Variants in TYROBP observed in about 807,000 individuals in gnomAD.
TYROBP encodes transmembrane immune signaling adaptor TYROBP.
Under a neutral mutation model 17.1 loss-of-function variants are expected in TYROBP, and 14 were observed. The ratio of observed to expected loss-of-function variants is 0.82; its 90% CI spans 0.54 to 1.28. The LOEUF is 1.28. Among genes scored for constraint, TYROBP ranks in the 50% most tolerant of loss-of-function variants. TYROBP has a pLI of 0.00. For synonymous variants in TYROBP, 73 were observed against 67.4 expected (o/e 1.08, Z -0.41); for missense variants, 161 against 151.4 (o/e 1.06, Z -0.33).
intron 4 of TYROBP, among the ~76,000 whole-genome samples, chr19:35,905,839 G>A: frequency 6.6e-6 from 1 of 151,394 alleles, no homozygotes. Context: ...TGTAGTTCCA[G>A]CTACTCGGGA....
intron 4 of TYROBP, among the ~76,000 whole-genome samples, chr19:35,906,173 CT>C (rs1318119816): frequency 6.6e-6 from 1 of 151,074 alleles, no homozygotes; most frequent in Non-Finnish European, 1.5e-5. Flanking sequence ...TCACTGCAAC[CT>C]CCGCCCCCTG....
At position 35,907,236 on chromosome 19, in the gene TYROBP, C is replaced by G; in HGVS notation, c.258G>C (p.Glu86Asp). 6.2e-7 allele frequency: 1 copy of G among 1,607,116 alleles called. No individual in the cohort carries two copies. The highest frequency in any genetic ancestry group is 1.1e-5 in the South Asian group (1 of 89,970). Reference protein sequence around the residue: ...EAATRKQRITETESPYQELQG... With the variant: ...EAATRKQRITDTESPYQELQG... ...TTCTCACCTGATAAGGCGACTCGGT[C>G]TCAGTGATACGCTGTTTCCGGGTCG... The change falls in exon 4 of 5, where the codon GAG becomes GAC. Residue 86 changes from glutamate to aspartate, a missense_variant. Coordinates refer to ENST00000262629, the MANE Select transcript of TYROBP (RefSeq NM_003332.4).
chr19:35,905,212 A>T (rs1414527395), intron 4 of TYROBP, among the ~76,000 whole-genome samples: 2 of 152,172 alleles, frequency 1.3e-5, no homozygotes. Context: ...ACAGAGCCAA[A>T]CCTGAGATTC....
chr19:35,907,812 G>A (rs371976856), intron 1 of TYROBP, 50 bp from the exon 2 acceptor site: 5 of 1,600,648 alleles, frequency 3.1e-6, no homozygotes, highest in Admixed American at 1.7e-5. Flanking sequence ...TGACGGGGGT[G>A]GGGGAGGCAA....
rs533744083 is a variant in TYROBP at position 35,906,119 on chromosome 19, C to CT, written c.276+1098dup. On this transcript the variant is annotated intron_variant, in intron 4 of 4. Transcript: ENST00000262629. ...TGGGGCAACATAGTGAGACCCCTGT[C>CT]TTTTTTTTTTTTTTGAGATGGAGTC... Among the ~76,000 whole-genome samples, 156 of 140,372 alleles carry CT rather than the reference C, an allele frequency of 1.1e-3. 1 individual carries two copies. The highest frequency in any genetic ancestry group is 7.2e-3 in the Middle Eastern group (2 of 276). The allele number at this position is 140,372 out of a possible 152,430, so 92.1% of individuals were successfully genotyped here. A position where few individuals can be genotyped will look rare whatever the true frequency, so the allele number is the denominator to read the frequency against.
chr19:35,908,137 CG>C (rs1568505386), intron 1 of TYROBP, 30 bp downstream of exon 1: 1 of 1,606,820 alleles, frequency 6.2e-7, no homozygotes, highest in Non-Finnish European at 8.5e-7. Context: ...CCCAGGGACC[CG>C]GGAGGCAGCC....
chr19:35,907,180 A>G lies in TYROBP; in HGVS notation c.276+38T>C, dbSNP rs371555009. ...AGTATCTGGGGCAGATATCCCTGGC[A>G]GGAGTGAAATGTGAGGAGGACAGTC... On this transcript the variant is annotated intron_variant, in intron 4 of 4. Coordinates refer to ENST00000262629, the MANE Select transcript of TYROBP (RefSeq NM_003332.4). 2.0e-5 allele frequency: 32 copies of G among 1,572,772 alleles called. No individual in the cohort carries two copies. The African/African-American group carries it at 3.1e-4, about 15-fold the overall frequency.
In TYROBP at chr19:35,907,307, G is replaced by A. The variant is rs181428328; in HGVS notation, c.230-43C>T. 33 of 1,611,080 alleles carry A rather than the reference G, an allele frequency of 2.0e-5. No individual in the cohort carries two copies. The East Asian group carries it at 6.5e-4, about 32-fold the overall frequency. Reference sequence around the variant, plus strand: ...TGTGGGGTGCAGAGACAGGCAGAGTGGTGAGTTGAGGGTGTTTTGTCATTC... The same window carrying A: ...TGTGGGGTGCAGAGACAGGCAGAGTAGTGAGTTGAGGGTGTTTTGTCATTC... On this transcript the variant is annotated intron_variant, in intron 3 of 4. Coordinates refer to ENST00000262629, the MANE Select transcript of TYROBP (RefSeq NM_003332.4).
chr19:35,907,525 G>C lies in TYROBP; in HGVS notation c.150C>G (p.Asp50Glu). 6.2e-7 allele frequency: 1 copy of C among 1,613,984 alleles called. No homozygotes were observed. Among genetic ancestry groups the C allele is most frequent in the Non-Finnish European group, 8.5e-7 (1 of 1,180,006 alleles). The change falls in exon 3 of 5, where the codon GAC (aspartate) becomes GAG (glutamate). Residue 50 changes from aspartate to glutamate, a missense_variant. By Grantham distance (45) the Asp-to-Glu change is conservative (BLOSUM62 2). Transcript: ENST00000262629. ...GGGCAATGAGCACTGTCAGCACCAG[G>C]TCTCCCATCACGATCCCTGCCAGCA... Reference protein sequence around the residue: ...PGVLAGIVMGDLVLTVLIALA... With the variant: ...PGVLAGIVMGELVLTVLIALA...
intron 3 of TYROBP, 36 bp from the exon 4 acceptor site, chr19:35,907,300 G>A: frequency 6.2e-7 from 1 of 1,612,000 alleles, no homozygotes; most frequent in Non-Finnish European, 8.5e-7. Flanking sequence ...GCAGAGACAG[G>A]CAGAGTGGTG....
chr19:35,904,428 G>A lies in TYROBP; in HGVS notation c.*141C>T. 1.1e-6 allele frequency: 1 copy of A among 897,276 alleles called. No individual in the cohort carries two copies. Among genetic ancestry groups the A allele is most frequent in the Non-Finnish European group, 1.8e-6 (1 of 557,764 alleles). The allele number at this position is 897,276 out of a possible 1,614,324, so 55.6% of individuals were successfully genotyped here. A position where few individuals can be genotyped will look rare whatever the true frequency, so the allele number is the denominator to read the frequency against. ...TTTTTGTGCTTCATGTTTATTTTAGGAGAGTATTGGGGAGCGGTCTGGTCT... is the reference window on the plus strand; with the variant it reads ...TTTTTGTGCTTCATGTTTATTTTAGAAGAGTATTGGGGAGCGGTCTGGTCT... On this transcript the variant is annotated 3_prime_UTR_variant, in exon 5 of 5. Coordinates refer to ENST00000262629, the MANE Select transcript of TYROBP (RefSeq NM_003332.4).
chr19:35,907,896 AG>A, intron 1 of TYROBP, 134 bp from the exon 2 acceptor site: 1 of 962,918 alleles, frequency 1.0e-6, no homozygotes, highest in Non-Finnish European at 1.6e-6. Flanking sequence ...GGCGGGACTC[AG>A]GGGGCTGGCG....
In TYROBP at chr19:35,904,652, A is replaced by C. The variant is rs1489679670; in HGVS notation, c.277-18T>G. The C allele has an allele frequency of 6.2e-7, 1 of 1,610,080 alleles. No homozygotes were observed. Among genetic ancestry groups the C allele is most frequent in the Non-Finnish European group, 8.5e-7 (1 of 1,177,952 alleles). On this transcript the variant is annotated intron_variant, in intron 4 of 4. Transcript: ENST00000262629. ...TGGAGCTCCTAAAGGAATGGGGGCC[A>C]TCAGTGGAAGGGACCCACCAAATAA...
intron 4 of TYROBP, among the ~76,000 whole-genome samples, chr19:35,905,552 C>A (rs1975699726): frequency 6.6e-6 from 1 of 151,986 alleles, no homozygotes. Context: ...GTGACTCATG[C>A]CTATAATCCC....
Position 35,904,450 on chromosome 19 carries a change from G to A in TYROBP, c.*119C>T. 1.9e-6 allele frequency: 2 copies of A among 1,051,768 alleles called. No homozygotes were observed. Among genetic ancestry groups the A allele is most frequent in the Non-Finnish European group, 1.4e-6 (1 of 692,592 alleles). The allele number at this position is 1,051,768 out of a possible 1,614,324, so 65.2% of individuals were successfully genotyped here. ...TAGGAGAGTATTGGGGAGCGGTCTG[G>A]TCTCTCAGGGATGGCACTCTGTGGG... On this transcript the variant is annotated 3_prime_UTR_variant, in exon 5 of 5. Transcript: ENST00000262629.
intron 4 of TYROBP, 85 bp from the exon 5 acceptor site, chr19:35,904,719 T>G (rs1975676765): frequency 8.1e-7 from 1 of 1,227,070 alleles, no homozygotes; most frequent in East Asian, 2.4e-5. Flanking sequence ...CCCTGGCAGC[T>G]TCTTCAGCCT....
chr19:35,905,098 T>C (rs1172655823), intron 4 of TYROBP, among the ~76,000 whole-genome samples: 1 of 152,166 alleles, frequency 6.6e-6, no homozygotes. Context: ...CACTTATAGG[T>C]GCTAGACACA....
chr19:35,904,509 G>A lies in TYROBP; in HGVS notation c.*60C>T. 1 of 1,560,672 alleles carries A rather than the reference G, an allele frequency of 6.4e-7. No homozygotes were observed. Among genetic ancestry groups the A allele is most frequent in the South Asian group, 1.1e-5 (1 of 88,808 alleles). The stretch of plus-strand genomic sequence containing the variant: ...GCGGTAGGAGTTGGAATGAGGTGCA[G>A]GGTGGGCTTCAGGAATGGCTGGATC... On this transcript the variant is annotated 3_prime_UTR_variant, in exon 5 of 5. Transcript: ENST00000262629.
At position 35,904,564 on chromosome 19, in the gene TYROBP, C is replaced by T. The variant is rs372703196; in HGVS notation, c.*5G>A. 9.0e-5 allele frequency: 146 copies of T among 1,613,376 alleles called. 1 individual carries two copies. The East Asian group carries it at 1.9e-3, about 21-fold the overall frequency. The stretch of plus-strand genomic sequence containing the variant: ...TATCATGTTGCTGACTGTCATGATT[C>T]GGGCTCATTTGTAATACGGCCTCTG... On this transcript the variant is annotated 3_prime_UTR_variant, in exon 5 of 5. Coordinates refer to ENST00000262629, the MANE Select transcript of TYROBP (RefSeq NM_003332.4).
Sources: gnomAD v4.1 joint callset for allele counts (sites outside exome capture counted in the v4.1 genomes callset) on GRCh38, gnomAD v4.1.1 for gene constraint, MANE v1.5 for transcripts, NCBI Gene and HGNC (gene_info 2026-07-23, HGNC 2026-07-21) for gene names.